The following CCSER1 variants were observed in gnomAD, a reference collection of about 807,000 sequenced individuals.
The protein encoded by CCSER1 is coiled-coil serine rich protein 1, also known as serine-rich coiled-coil domain-containing protein 1.
A neutral mutation model predicts 82.0 loss-of-function variants in CCSER1; 41 were observed. The ratio of observed to expected loss-of-function variants is 0.50; its 90% confidence interval spans 0.39 to 0.65. CCSER1 has a LOEUF of 0.65. CCSER1 is among the 30% of genes least tolerant of loss of function. The pLI is 0.00. For missense variants in CCSER1, 1,119 were observed against 1,064.2 expected, an observed-to-expected ratio of 1.05 and a Z score of -0.72; for synonymous variants, 414 against 383.9, an observed-to-expected ratio of 1.08 and a Z score of -0.92.
At chr4:90,770,230 C>T (rs1018575803) in intron 7 of CCSER1, among the ~76,000 whole-genome samples, 1 of 152,150 alleles carries the variant, frequency 6.6e-6, no homozygotes, top group Non-Finnish European at 1.5e-5. Flanking sequence ...CCTTTAGTTA[C>T]AAGACCCAGC....
chr4:91,176,887 G>A (rs141601674), intron 10 of CCSER1, among the ~76,000 whole-genome samples: 13 of 152,082 alleles, frequency 8.5e-5, no homozygotes, highest in South Asian at 4.2e-4. Flanking sequence ...AGGGCATCCC[G>A]GTCTTGTGCC....
chr4:90,792,588 A>G (rs1427405770), intron 7 of CCSER1, among the ~76,000 whole-genome samples: 1 of 152,210 alleles, frequency 6.6e-6, no homozygotes, highest in East Asian at 1.9e-4. Flanking sequence ...TGTGAGATTT[A>G]GCGATTCTTT....
chr4:90,285,304 ATCT>A (rs1409898924), intron 1 of CCSER1, among the ~76,000 whole-genome samples: 2 of 152,102 alleles, frequency 1.3e-5, no homozygotes, highest in Middle Eastern at 3.4e-3. Context: ...TTTTGTGCAT[ATCT>A]TCTTCAATTT....
intron 5 of CCSER1, among the ~76,000 whole-genome samples, chr4:90,490,953 C>G (rs1767912527): frequency 6.6e-6 from 1 of 152,084 alleles, no homozygotes; most frequent in Non-Finnish European, 1.5e-5. Flanking sequence ...AGTGAGGTAG[C>G]ATAATGCCTC....
intron 5 of CCSER1, among the ~76,000 whole-genome samples, chr4:90,496,792 C>T (rs765492213): frequency 1.3e-5 from 2 of 151,856 alleles, no homozygotes; most frequent in Non-Finnish European, 2.9e-5. Flanking sequence ...TCCTGGCCAA[C>T]ATGGTGAAAC....
At chr4:90,573,186 T>TACAGC (rs113312461) in intron 5 of CCSER1, among the ~76,000 whole-genome samples, 3,305 of 152,316 alleles carry the variant, frequency 0.022, 122 homozygotes, top group African/African-American at 0.07. Flanking sequence ...TGGGGCTTGC[T>TACAGC]ACAGCAGGCA....
intron 9 of CCSER1, among the ~76,000 whole-genome samples, chr4:91,034,334 G>A (rs567384554): frequency 3.9e-5 from 6 of 152,098 alleles, no homozygotes; most frequent in South Asian, 4.1e-4. Flanking sequence ...TTTACTTCAC[G>A]CTGCACTTTT....
chr4:90,754,277 TA>T (rs1471410709), intron 7 of CCSER1, among the ~76,000 whole-genome samples: 2 of 152,266 alleles, frequency 1.3e-5, no homozygotes, highest in East Asian at 3.9e-4. Context: ...ATATTTTTGC[TA>T]AAAAAATTAT....
intron 7 of CCSER1, among the ~76,000 whole-genome samples, chr4:90,774,751 G>A (rs963620924): frequency 1.3e-5 from 2 of 151,960 alleles, no homozygotes; most frequent in Admixed American, 1.3e-4. Flanking sequence ...GGCATGCTTG[G>A]TGATGAGCCT....
chr4:91,298,928 T>A (rs927936886), intron 10 of CCSER1, among the ~76,000 whole-genome samples: 18 of 152,074 alleles, frequency 1.2e-4, no homozygotes, highest in African/African-American at 4.1e-4. Flanking sequence ...CTAAGTGTGG[T>A]GTCTAGACGA....
intron 1 of CCSER1, among the ~76,000 whole-genome samples, chr4:90,153,782 G>A (rs1026691729): frequency 6.6e-6 from 1 of 152,090 alleles, no homozygotes; most frequent in Non-Finnish European, 1.5e-5. Context: ...CTGGATATTA[G>A]CCGTTTGTCA....
chr4:91,400,345 G>T (rs541272545), intron 10 of CCSER1, among the ~76,000 whole-genome samples: 1 of 151,684 alleles, frequency 6.6e-6, no homozygotes, highest in South Asian at 2.1e-4. Flanking sequence ...AAGTTAAGTA[G>T]TACTAAGAAG....
At chr4:90,808,831 A>G (rs545578894) in intron 7 of CCSER1, among the ~76,000 whole-genome samples, 175 of 152,316 alleles carry the variant, frequency 1.1e-3, no homozygotes, top group African/African-American at 3.9e-3. Flanking sequence ...AATATTATGG[A>G]GATTTCTCAA....
chr4:91,125,190 A>C (rs1357872061), intron 10 of CCSER1, among the ~76,000 whole-genome samples: 4 of 151,720 alleles, frequency 2.6e-5, no homozygotes, highest in Non-Finnish European at 5.9e-5. Flanking sequence ...GGATTTATGA[A>C]ATAATTACTA....
chr4:90,412,524 A>C (rs1755033366), intron 4 of CCSER1, among the ~76,000 whole-genome samples: 1 of 102,802 alleles, frequency 9.7e-6, no homozygotes, highest in Non-Finnish European at 1.7e-5. Flanking sequence ...AAATATAAAC[A>C]TCAAAAAAAA....
intron 7 of CCSER1, among the ~76,000 whole-genome samples, chr4:90,813,365 A>G (rs1052333886): frequency 6.6e-6 from 1 of 152,172 alleles, no homozygotes; most frequent in Non-Finnish European, 1.5e-5. Context: ...ATGGACTCCC[A>G]TGGCCTTGGG....
At position 90,610,252 on chromosome 4, in the gene CCSER1, CAAATAAATAAATAAAT is replaced by C. The variant is rs201777020; in HGVS notation, c.1725-17737_1725-17722del. Among the ~76,000 whole-genome samples the C allele has an allele frequency of 2.9e-3, 388 of 136,010 alleles. 3 individuals carry two copies. The highest frequency in any genetic ancestry group is 7.4e-3 in the Middle Eastern group (2 of 270). 89.2% of individuals were successfully genotyped at this position (136,010 alleles called of 152,430 possible). ...TGGGCGACAGAACAAGACTCCATCT[CAAATAAATAAATAAAT>C]AAATAAATAAATAAATAAATAAATA... On this transcript the variant is annotated intron_variant, in intron 5 of 10. Coordinates refer to ENST00000509176, the MANE Select transcript of CCSER1 (RefSeq NM_001145065.2).
At chr4:90,883,643 A>C (rs565081779) in intron 8 of CCSER1, among the ~76,000 whole-genome samples, 1 of 152,288 alleles carries the variant, frequency 6.6e-6, no homozygotes, top group Non-Finnish European at 1.5e-5. Flanking sequence ...AGAATTATAA[A>C]GTGGAGAGTG....
At chr4:90,510,449 T>C (rs1440942705) in intron 5 of CCSER1, among the ~76,000 whole-genome samples, 2 of 152,218 alleles carry the variant, frequency 1.3e-5, no homozygotes, top group Admixed American at 1.3e-4. Context: ...TTTTTATGTC[T>C]TATCTTAAAA....
Sources: gnomAD v4.1 joint callset for allele counts (sites outside exome capture counted in the v4.1 genomes callset) on GRCh38, gnomAD v4.1.1 for gene constraint, MANE v1.5 for transcripts, NCBI Gene and HGNC (gene_info 2026-07-23, HGNC 2026-07-21) for gene names.